The following CAMTA1 variants were observed in gnomAD, a reference collection of about 807,000 sequenced individuals.
The protein encoded by CAMTA1 is calmodulin-binding transcription activator 1.
CAMTA1 carries 27 observed loss-of-function variants against 170.9 expected under a neutral mutation model. The observed-to-expected ratio is 0.16, with a 90% CI of 0.12 to 0.22. CAMTA1 has a LOEUF of 0.22. CAMTA1 is among the 10% of genes least tolerant of loss of function. CAMTA1 has a pLI of 1.00. For synonymous variants in CAMTA1, 833 were observed against 891.5 expected, an observed-to-expected ratio of 0.93 and a Z score of 1.17; for missense variants, 1,619 against 2,217.2, an observed-to-expected ratio of 0.73 and a Z score of 5.42.
intron 6 of CAMTA1, among the ~76,000 whole-genome samples, chr1:7,551,341 T>G (rs937735778): frequency 3.3e-5 from 5 of 152,222 alleles, no homozygotes; most frequent in Admixed American, 2.0e-4. Flanking sequence ...CATGTATGTA[T>G]CTGTGCATGA....
intron 4 of CAMTA1, among the ~76,000 whole-genome samples, chr1:7,223,480 G>T (rs1227100612): frequency 6.6e-6 from 1 of 151,990 alleles, no homozygotes. Context: ...GTCCTGAGGG[G>T]TCAGGAAAGC....
intron 7 of CAMTA1, among the ~76,000 whole-genome samples, chr1:7,654,784 T>A (rs2095871191): frequency 9.1e-6 from 1 of 110,124 alleles, no homozygotes; most frequent in Non-Finnish European, 1.8e-5. Context: ...CACACACCTA[T>A]ACCCACACAC....
intron 6 of CAMTA1, among the ~76,000 whole-genome samples, chr1:7,470,982 G>A (rs2093319578): frequency 6.6e-6 from 1 of 152,222 alleles, no homozygotes; most frequent in Non-Finnish European, 1.5e-5. Flanking sequence ...GCAGGAGCCA[G>A]CATTTGGGAG....
intron 4 of CAMTA1, among the ~76,000 whole-genome samples, chr1:7,166,779 G>C (rs1364318026): frequency 6.7e-6 from 1 of 149,992 alleles, no homozygotes; most frequent in Admixed American, 6.6e-5. Context: ...ATGGTGTCTT[G>C]GTGGGTAGAA....
intron 3 of CAMTA1, among the ~76,000 whole-genome samples, chr1:6,882,361 G>A (rs1206214944): frequency 6.6e-6 from 1 of 152,212 alleles, no homozygotes; most frequent in African/African-American, 2.4e-5. Context: ...CCTGGTTTGG[G>A]ATAGAAGTAG....
At chr1:7,734,777 A>G (rs954462172) in intron 12 of CAMTA1, among the ~76,000 whole-genome samples, 10 of 152,332 alleles carry the variant, frequency 6.6e-5, no homozygotes, top group Non-Finnish European at 1.2e-4. Context: ...ATTTAAAAAT[A>G]AAAATCAGCG....
Position 7,738,363 on chromosome 1 carries a change from C to T in CAMTA1, c.4063C>T (p.Pro1355Ser), listed in dbSNP as rs186530445. The T allele has an allele frequency of 1.5e-4, 243 of 1,614,182 alleles. 2 individuals carry two copies. In the East Asian group the frequency reaches 5.3e-3, roughly 35 times the overall value. Residue 1355 changes from proline to serine, a missense_variant, in exon 16 of 23, where the codon CCA becomes TCA. This residue lies in a region of CAMTA1 where 370 missense variants were observed against 429.4 expected (regional missense o/e 0.86). Transcript: ENST00000303635. This position sits in a 1 kb window ranked among gnomAD's most constrained non-coding sequence, Gnocchi z 4.9. ...GGAGGCAGCACCTTCACAGGTGCGT[C>T]CACGGGAACCAATGAGTGTCCTGAT... ...GKEAAPSQVR[P>S]REPMSVLMMA...
intron 6 of CAMTA1, among the ~76,000 whole-genome samples, chr1:7,536,834 C>T (rs2150079678): frequency 8.4e-6 from 1 of 119,442 alleles, no homozygotes; most frequent in Admixed American, 9.5e-5. Context: ...TAAAGAGTCC[C>T]CTGAGCTACT....
intron 3 of CAMTA1, among the ~76,000 whole-genome samples, chr1:7,072,844 G>A (rs1638819802): frequency 6.6e-6 from 1 of 152,354 alleles, no homozygotes; most frequent in Middle Eastern, 3.4e-3. Flanking sequence ...GGAGTAGCAA[G>A]GGGACTGTGT....
chr1:7,323,117 CTT>C (rs991154945), intron 5 of CAMTA1, among the ~76,000 whole-genome samples: 1 of 148,208 alleles, frequency 6.7e-6, no homozygotes, highest in Non-Finnish European at 1.5e-5. Flanking sequence ...TTTTTTACTC[CTT>C]TTTTTAAAAA....
chr1:7,591,646 T>G (rs2095355899), intron 6 of CAMTA1, among the ~76,000 whole-genome samples: 1 of 152,200 alleles, frequency 6.6e-6, no homozygotes, highest in South Asian at 2.1e-4. Flanking sequence ...CTCCCGTGAC[T>G]CCTGTTCTCA....
intron 5 of CAMTA1, among the ~76,000 whole-genome samples, chr1:7,261,292 A>C (rs138882501): frequency 6.6e-6 from 1 of 152,058 alleles, no homozygotes; most frequent in Admixed American, 6.5e-5. Flanking sequence ...TTTAGTCTCC[A>C]TGGTTTTGTG....
At chr1:6,951,890 A>G (rs974522428) in intron 3 of CAMTA1, among the ~76,000 whole-genome samples, 3 of 152,166 alleles carry the variant, frequency 2.0e-5, no homozygotes, top group Admixed American at 6.5e-5. Flanking sequence ...ACTGTGAGAC[A>G]TGCCGTGCGA....
chr1:7,450,218 T>C (rs2092790114), intron 5 of CAMTA1, among the ~76,000 whole-genome samples: 1 of 152,224 alleles, frequency 6.6e-6, no homozygotes, highest in Non-Finnish European at 1.5e-5. Flanking sequence ...GAGGATGTGC[T>C]AATTCCCTCC....
rs1199655339 is a variant in CAMTA1 at position 7,300,920 on chromosome 1, A to G, written c.438+51294A>G. On this transcript the variant is annotated intron_variant, in intron 5 of 22. Transcript: ENST00000303635. This position sits in a 1 kb window ranked among gnomAD's most constrained non-coding sequence, Gnocchi z 4.1. ...CAGCAAGTCATAAAGTTCTCTTACT[A>G]GAATATAGCTTCTAAATTGCATATC... Among the ~76,000 whole-genome samples, 2 of 152,250 alleles carry G rather than the reference A, an allele frequency of 1.3e-5. No homozygotes were observed. The highest frequency in any genetic ancestry group is 4.8e-5 in the African/African-American group (2 of 41,462).
At chr1:7,059,392 A>T (rs577881745) in intron 3 of CAMTA1, among the ~76,000 whole-genome samples, 7 of 152,296 alleles carry the variant, frequency 4.6e-5, no homozygotes, top group Admixed American at 3.3e-4. Context: ...CCAAGGCAGG[A>T]GGATCACTTG....
At chr1:6,885,024 C>A (rs1672796970) in intron 3 of CAMTA1, among the ~76,000 whole-genome samples, 1 of 152,158 alleles carries the variant, frequency 6.6e-6, no homozygotes, top group Non-Finnish European at 1.5e-5. Flanking sequence ...ATGTTTCCAT[C>A]TGATGAGGAA....
chr1:7,444,493 C>T (rs2092630492), intron 5 of CAMTA1, among the ~76,000 whole-genome samples: 1 of 152,236 alleles, frequency 6.6e-6, no homozygotes, highest in East Asian at 1.9e-4. Flanking sequence ...CTGTTTGCTG[C>T]TTCCCTCCTC....
At chr1:7,608,204 C>T (rs1557996286) in intron 6 of CAMTA1, among the ~76,000 whole-genome samples, 2 of 152,208 alleles carry the variant, frequency 1.3e-5, no homozygotes, top group African/African-American at 4.8e-5. Flanking sequence ...AGATGCTGCC[C>T]AGGTGACCTG....
Sources: gnomAD v4.1 joint callset for allele counts (sites outside exome capture counted in the v4.1 genomes callset) on GRCh38, gnomAD v4.1.1 for gene constraint, gnomAD v4.1.1 regional missense constraint, Gnocchi (gnomAD v3.1) non-coding constraint, MANE v1.5 for transcripts, NCBI Gene and HGNC (gene_info 2026-07-23, HGNC 2026-07-21) for gene names.